The following NCOR2 variants were observed in gnomAD, a reference collection of about 807,000 sequenced individuals.
NCOR2 encodes CTG repeat protein 26.
NCOR2 carries 81 observed loss-of-function variants against 262.9 expected under a neutral mutation model. The observed-to-expected ratio is 0.31, with a 90% CI of 0.26 to 0.37. The LOEUF is 0.37. Ranked by LOEUF, NCOR2 falls within the 10% of genes least tolerant of loss-of-function variation. The pLI is 1.00. For synonymous variants in NCOR2, 1,659 were observed against 1,559.3 expected (o/e 1.06, Z -1.51); for missense variants, 3,385 against 3,621.4 (o/e 0.93, Z 1.68).
intron 28 of NCOR2, among the ~76,000 whole-genome samples, chr12:124,350,210 C>T (rs1339598840): frequency 2.0e-5 from 3 of 152,190 alleles, no homozygotes; most frequent in Non-Finnish European, 4.4e-5. Context: ...GAGCCTGGGA[C>T]ACAGTGGGGC....
chr12:124,556,781 G>A (rs1425158056), intron 1 of NCOR2, among the ~76,000 whole-genome samples: 2 of 151,894 alleles, frequency 1.3e-5, no homozygotes, highest in African/African-American at 2.4e-5. Context: ...TCAGGAGGCA[G>A]AGGTTGCGGT....
chr12:124,525,448 C>A (rs2050412671), intron 1 of NCOR2, among the ~76,000 whole-genome samples: 1 of 152,268 alleles, frequency 6.6e-6, no homozygotes, highest in Non-Finnish European at 1.5e-5. Context: ...CACTGCCCAT[C>A]TCCCCATCAG....
rs1463107455 is a variant in NCOR2 at position 124,483,584 on chromosome 12, G to T, written c.411+12C>A. 1.9e-6 allele frequency: 3 copies of T among 1,566,164 alleles called. No individual in the cohort carries two copies. The highest frequency in any genetic ancestry group is 3.8e-5 in the Admixed American group (2 of 52,530). ...GCGGGAGAGGAGCTCCCAGCTGGGGGCCCAGGCTTACCTTGGTGAGGTCTT... is the reference window on the plus strand; with the variant it reads ...GCGGGAGAGGAGCTCCCAGCTGGGGTCCCAGGCTTACCTTGGTGAGGTCTT... On this transcript the variant is annotated intron_variant, in intron 3 of 46. Transcript: ENST00000405201. The surrounding 1 kb of genome is among the most constrained non-coding windows in gnomAD (Gnocchi z 6.3).
At chr12:124,335,057 G>A in intron 40 of NCOR2, 78 bp downstream of exon 42, 6 of 1,603,100 alleles carry the variant, frequency 3.7e-6, no homozygotes, top group South Asian at 1.1e-5. Context: ...GAAGGGCTGT[G>A]GGGTTCCCCA....
chr12:124,407,347 G>C (rs948417066), intron 13 of NCOR2, among the ~76,000 whole-genome samples: 2 of 152,236 alleles, frequency 1.3e-5, no homozygotes, highest in African/African-American at 2.4e-5. Context: ...CAGGGCGAGG[G>C]AAGGGGCTTT....
chr12:124,379,209 G>A (rs1215260601), intron 17 of NCOR2, among the ~76,000 whole-genome samples: 2 of 152,160 alleles, frequency 1.3e-5, no homozygotes, highest in African/African-American at 4.8e-5. Flanking sequence ...GGTGTGTCCA[G>A]GAATGGAAAG....
chr12:124,418,311 G>A (rs1290407257), intron 13 of NCOR2, among the ~76,000 whole-genome samples: 1 of 152,186 alleles, frequency 6.6e-6, no homozygotes, highest in African/African-American at 2.4e-5. Context: ...ATGCGGCGAG[G>A]GGTGGCTCAT....
In NCOR2 at chr12:124,325,384, C is replaced by CCCCG. The variant is rs1555297261; in HGVS notation, c.*17_*18insCGGG. 23 of 486,602 alleles carry CCCCG rather than the reference C, an allele frequency of 4.7e-5. 1 individual carries two copies. Among genetic ancestry groups the CCCCG allele is most frequent in the African/African-American group, 9.4e-5 (4 of 42,722 alleles). 30.1% of individuals were successfully genotyped at this position (486,602 alleles called of 1,614,324 possible). On this transcript the variant is annotated 3_prime_UTR_variant, in exon 47 of 47. Transcript: ENST00000405201. ...TCGCTGGGACCTGACACCGCCCCCC[C>CCCCG]CCCCGCCCTGTTCTGAGTCACTCGC... is the stretch of plus-strand genomic sequence containing the variant.
intron 1 of NCOR2, among the ~76,000 whole-genome samples, chr12:124,493,191 A>T (rs2136889123): frequency 6.6e-6 from 1 of 152,300 alleles, no homozygotes; most frequent in East Asian, 1.9e-4. Context: ...AAAGGGCAGG[A>T]GGGGTGGGAG....
At chr12:124,358,502 C>G (rs1295981622) in intron 22 of NCOR2, among the ~76,000 whole-genome samples, 1 of 152,198 alleles carries the variant, frequency 6.6e-6, no homozygotes, top group East Asian at 1.9e-4. Flanking sequence ...GCGTCAGCCT[C>G]AGTTTGCTGA....
upstream of NCOR2, among the ~76,000 whole-genome samples, chr12:124,497,638 A>G (rs1345491790): frequency 6.6e-6 from 1 of 152,246 alleles, no homozygotes. This position sits in a 1 kb window ranked among gnomAD's most constrained non-coding sequence, Gnocchi z 4.2. Flanking sequence ...ACTCCCACAC[A>G]CATGAAGACG....
chr12:124,377,066 C>T (rs1182483425), intron 18 of NCOR2, among the ~76,000 whole-genome samples: 1 of 152,184 alleles, frequency 6.6e-6, no homozygotes, highest in Non-Finnish European at 1.5e-5. Flanking sequence ...GCACTCGTGA[C>T]CGAGAGTGCG....
rs1308956022 is a variant in NCOR2, at chr12:124,378,798, G to A, written c.2020-414C>T. 2.6e-5 allele frequency among the ~76,000 whole-genome samples: 4 copies of A among 152,236 alleles called. No individual in the cohort carries two copies. The highest frequency in any genetic ancestry group is 3.8e-4 in the East Asian group (2 of 5,196). On this transcript the variant is annotated intron_variant, in intron 17 of 46. Transcript: ENST00000405201. The surrounding 1 kb of genome is among the most constrained non-coding windows in gnomAD (Gnocchi z 4.2). ...CTATGCAAGTCTCACCTGTCCCTGG[G>A]GGAACAGGCCAGCCTGGGAAGCTCG...
chr12:124,523,496 G>T lies in NCOR2; in HGVS notation c.-118+12069C>A, dbSNP rs2050299703. On this transcript the variant is annotated intron_variant, in intron 1 of 46. Transcript: ENST00000404621. The surrounding 1 kb of genome is among the most constrained non-coding windows in gnomAD (Gnocchi z 4.0). ...CCGGCCAGCATCACCCAAGCTCTCA[G>T]TGTGCCAGGGTCAGTGGGCTTCACG... Among the ~76,000 whole-genome samples the T allele has an allele frequency of 1.3e-5, 2 of 152,188 alleles. No individual in the cohort carries two copies. The highest frequency in any genetic ancestry group is 2.4e-5 in the African/African-American group (1 of 41,432).
intron 22 of NCOR2, among the ~76,000 whole-genome samples, chr12:124,361,845 C>T (rs2038612843): frequency 6.6e-6 from 1 of 152,140 alleles, no homozygotes; most frequent in Non-Finnish European, 1.5e-5. Flanking sequence ...AGATGGATTT[C>T]TGGCTTTGCT....
chr12:124,361,951 C>T (rs745448442), intron 22 of NCOR2, among the ~76,000 whole-genome samples, 175 bp downstream of exon 24: 4 of 152,246 alleles, frequency 2.6e-5, no homozygotes, highest in Non-Finnish European at 4.4e-5. Flanking sequence ...TCCAATTTGC[C>T]GCAGTCCCTA....
At position 124,350,670 on chromosome 12, in the gene NCOR2, C is replaced by T. The variant is rs374662581; in HGVS notation, c.3761G>A (p.Arg1254His). ...GCTGTCCTCCCGGCCGCGGTCCAAGCGACTCGGGCTGTCCTCGCCGATGAT... is the reference window on the plus strand; with the variant it reads ...GCTGTCCTCCCGGCCGCGGTCCAAGTGACTCGGGCTGTCCTCGCCGATGAT... Residue 1254 changes from arginine to histidine, a missense_variant, in exon 28 of 47, where the codon CGC (arginine) becomes CAC (histidine). Arg to His is a conservative substitution (Grantham distance 29). Around this residue, in one of 5 missense-constraint regions of NCOR2, gnomAD observed 1,615 missense variants for 1,626.9 expected, o/e 0.99. Transcript: ENST00000405201. 4.3e-6 allele frequency: 7 copies of T among 1,613,786 alleles called. No homozygotes were observed. Among genetic ancestry groups the T allele is most frequent in the Middle Eastern group, 1.6e-4 (1 of 6,062 alleles).
At chr12:124,516,581 G>GCC (rs1367758927) in intron 1 of NCOR2, among the ~76,000 whole-genome samples, 1 of 152,170 alleles carries the variant, frequency 6.6e-6, no homozygotes, top group Non-Finnish European at 1.5e-5. Flanking sequence ...CACTGTGCGG[G>GCC]CCCCTTCAGG....
Position 124,557,538 on chromosome 12 carries a change from CTTAA to C in NCOR2, c.-165+9766_-165+9769del, listed in dbSNP as rs752136759. 2.8e-4 allele frequency among the ~76,000 whole-genome samples: 43 copies of C among 152,220 alleles called. 1 individual carries two copies. Among genetic ancestry groups the C allele is most frequent in the Admixed American group, 2.0e-4 (3 of 15,286 alleles). ...CCACCCTGCTCCAGGATGACCTCTTCTTAATTAAACGCATCCACAAAGACCTTGT... is the reference window on the plus strand; with the variant it reads ...CCACCCTGCTCCAGGATGACCTCTTCTTAAACGCATCCACAAAGACCTTGT... On this transcript the variant is annotated intron_variant, in intron 1 of 32. Transcript: ENST00000458234.
Sources: gnomAD v4.1 joint callset for allele counts (sites outside exome capture counted in the v4.1 genomes callset) on GRCh38, gnomAD v4.1.1 for gene constraint, gnomAD v4.1.1 regional missense constraint, Gnocchi (gnomAD v3.1) non-coding constraint, MANE v1.5 for transcripts, NCBI Gene and HGNC (gene_info 2026-07-23, HGNC 2026-07-21) for gene names.